The following LHFPL3 variants were observed in gnomAD, a reference collection of about 807,000 sequenced individuals.
LHFPL3 encodes LHFPL tetraspan subfamily member 3.
LHFPL3 carries 5 observed loss-of-function variants against 19.3 expected under a neutral mutation model. That is an observed-to-expected ratio of 0.26 (90% CI 0.14 to 0.54). The LOEUF is 0.54. Ranked by LOEUF, LHFPL3 falls within the 20% of genes least tolerant of loss-of-function variation. The pLI, the probability that LHFPL3 is intolerant of heterozygous loss-of-function variation, is 0.94. For missense variants in LHFPL3, 249 were observed against 307.4 expected (o/e 0.81, Z 1.42); for synonymous variants, 133 against 126.2 (o/e 1.05, Z -0.36).
chr7:104,785,993 A>G (rs1018829557), intron 2 of LHFPL3, among the ~76,000 whole-genome samples: 8 of 152,172 alleles, frequency 5.3e-5, no homozygotes, highest in Admixed American at 5.2e-4. Flanking sequence ...CCCTCTGCAC[A>G]ATGCCCTTCT....
chr7:104,538,215 A>T (rs1794423171), intron 1 of LHFPL3, among the ~76,000 whole-genome samples: 1 of 152,210 alleles, frequency 6.6e-6, no homozygotes, highest in Non-Finnish European at 1.5e-5. Flanking sequence ...ACAATGGCAA[A>T]TCTGAGCACT....
intron 1 of LHFPL3, among the ~76,000 whole-genome samples, chr7:104,396,402 G>C (rs980669116): frequency 1.3e-5 from 2 of 152,104 alleles, no homozygotes; most frequent in African/African-American, 2.4e-5. Context: ...CCAGAGCAGC[G>C]GCTATGGTAA....
At chr7:104,435,359 C>G (rs4730012) in intron 1 of LHFPL3, among the ~76,000 whole-genome samples, 30,814 of 151,796 alleles carry the variant, frequency 0.2, 3,563 homozygotes, top group Admixed American at 0.33. Flanking sequence ...CCAGGCTGCT[C>G]TCGACCTCCT....
chr7:104,878,912 T>G (rs1791996565), intron 2 of LHFPL3, among the ~76,000 whole-genome samples: 1 of 152,304 alleles, frequency 6.6e-6, no homozygotes, highest in East Asian at 1.9e-4. Flanking sequence ...CAACTAAAAC[T>G]TTTTCTGATA....
At chr7:104,594,949 T>C (rs537962751) in intron 1 of LHFPL3, among the ~76,000 whole-genome samples, 2 of 152,312 alleles carry the variant, frequency 1.3e-5, no homozygotes, top group South Asian at 4.1e-4. Flanking sequence ...TAATCTCTTT[T>C]CAACGTTTTC....
intron 2 of LHFPL3, among the ~76,000 whole-genome samples, chr7:104,801,701 G>T (rs796780875): frequency 6.6e-6 from 1 of 152,080 alleles, no homozygotes; most frequent in Non-Finnish European, 1.5e-5. Context: ...CTCCCAAGTA[G>T]TTGGGACTAC....
chr7:104,469,309 T>G (rs1371413847), intron 1 of LHFPL3, among the ~76,000 whole-genome samples: 1 of 152,178 alleles, frequency 6.6e-6, no homozygotes, highest in Non-Finnish European at 1.5e-5. Context: ...TCTGTCACCT[T>G]TTGTGTAAAT....
At chr7:104,610,204 C>T (rs1791186211) in intron 1 of LHFPL3, among the ~76,000 whole-genome samples, 1 of 152,060 alleles carries the variant, frequency 6.6e-6, no homozygotes, top group Middle Eastern at 3.2e-3. Context: ...TTTCTGTATA[C>T]TGAATCTAAG....
chr7:104,436,230 A>G lies in LHFPL3; in HGVS notation c.445+107006A>G, dbSNP rs566221778. On this transcript the variant is annotated intron_variant, in intron 1 of 2. Coordinates refer to ENST00000424859, the MANE Select transcript of LHFPL3 (RefSeq NM_199000.3). ...AATATTTTTTAATGAGGCTGCTAGA[A>G]TATTTTAAAGTTTTGTAAGTGGTTT... Among the ~76,000 whole-genome samples, 8 of 152,324 alleles carry G rather than the reference A, an allele frequency of 5.3e-5. No individual in the cohort carries two copies. In the South Asian group the frequency reaches 1.7e-3, roughly 32 times the overall value.
chr7:104,495,648 G>A (rs1584359065), intron 1 of LHFPL3, among the ~76,000 whole-genome samples: 2 of 152,162 alleles, frequency 1.3e-5, no homozygotes, highest in Non-Finnish European at 2.9e-5. Context: ...CTCCCAAAGT[G>A]CTGGGATTAC....
At position 104,722,547 on chromosome 7, in the gene LHFPL3, T is replaced by C. The variant is rs113697604; in HGVS notation, c.446-14128T>C. 2.0e-3 allele frequency among the ~76,000 whole-genome samples: 305 copies of C among 152,344 alleles called. 3 individuals carry two copies. Among genetic ancestry groups the C allele is most frequent in the African/African-American group, 6.2e-3 (259 of 41,584 alleles). The stretch of plus-strand genomic sequence containing the variant: ...AACCACAGTATTTCATGTCCTAGAT[T>C]GTCCAGTGACTCTGTTTTCAGAAGA... On this transcript the variant is annotated intron_variant, in intron 1 of 2. Coordinates refer to ENST00000424859, the MANE Select transcript of LHFPL3 (RefSeq NM_199000.3).
chr7:104,454,272 G>A lies in LHFPL3; in HGVS notation c.445+125048G>A, dbSNP rs144823027. On this transcript the variant is annotated intron_variant, in intron 1 of 2. Transcript: ENST00000424859. ...TTGAAGTGAAAGGAATGTGGAGGTG[G>A]AGCAGCATTAGTCAGACCATAGGTA... Among the ~76,000 whole-genome samples the A allele has an allele frequency of 3.5e-3, 540 of 152,288 alleles. 4 individuals carry two copies. The highest frequency in any genetic ancestry group is 0.013 in the African/African-American group (534 of 41,558).
At chr7:104,575,559 T>TAAAAAAAAAAAAAAAA (rs58118006) in intron 1 of LHFPL3, among the ~76,000 whole-genome samples, 19 of 36,172 alleles carry the variant, frequency 5.3e-4, no homozygotes, top group African/African-American at 9.4e-4. Context: ...CAAAGAGATC[T>TAAAAAAAAAAAAAAAA]AAAAAAAAAA....
chr7:104,607,132 C>T (rs1367077041), intron 1 of LHFPL3, among the ~76,000 whole-genome samples: 2 of 152,174 alleles, frequency 1.3e-5, no homozygotes, highest in Non-Finnish European at 2.9e-5. Flanking sequence ...ACCTTGGGGC[C>T]TTTCATTCAT....
intron 1 of LHFPL3, among the ~76,000 whole-genome samples, chr7:104,515,426 C>A (rs184378712): frequency 1.6e-4 from 24 of 152,252 alleles, no homozygotes; most frequent in Non-Finnish European, 2.2e-4. Context: ...TTATGCACAA[C>A]AGAGCAGTGC....
intron 1 of LHFPL3, among the ~76,000 whole-genome samples, chr7:104,602,149 T>A (rs1189597728): frequency 6.8e-6 from 1 of 146,458 alleles, no homozygotes; most frequent in East Asian, 2.2e-4. Flanking sequence ...GCCTCCCAAG[T>A]AGCTGGGATT....
chr7:104,748,923 T>A (rs1188002246), intron 2 of LHFPL3, among the ~76,000 whole-genome samples: 1 of 152,248 alleles, frequency 6.6e-6, no homozygotes, highest in Non-Finnish European at 1.5e-5. Flanking sequence ...GGATCTATTC[T>A]ATTTATTTGC....
intron 1 of LHFPL3, among the ~76,000 whole-genome samples, chr7:104,538,893 T>C (rs1794437457): frequency 3.3e-5 from 5 of 152,330 alleles, no homozygotes; most frequent in Admixed American, 1.3e-4. Context: ...TCTATTATCA[T>C]GGGTTCTTAA....
At chr7:104,455,240 G>T (rs879862575) in intron 1 of LHFPL3, among the ~76,000 whole-genome samples, 1 of 152,162 alleles carries the variant, frequency 6.6e-6, no homozygotes, top group Non-Finnish European at 1.5e-5. Context: ...TGGTGATGAG[G>T]CATATTAATT....
Sources: gnomAD v4.1 joint callset for allele counts (sites outside exome capture counted in the v4.1 genomes callset) on GRCh38, gnomAD v4.1.1 for gene constraint, MANE v1.5 for transcripts, NCBI Gene and HGNC (gene_info 2026-07-23, HGNC 2026-07-21) for gene names.